THOC2: variants seen among roughly 807,000 people sequenced by gnomAD.
The protein encoded by THOC2 is THO complex subunit 2.
A neutral mutation model predicts 128.4 loss-of-function variants in THOC2; 10 were observed. The observed-to-expected ratio is 0.08, with a 90% CI of 0.05 to 0.13. The LOEUF (loss-of-function observed/expected upper bound fraction) is 0.13, where lower values mean the gene tolerates loss of function less well. Among genes scored for constraint, THOC2 ranks in the 10% least tolerant of loss-of-function variants. The pLI, the probability that THOC2 is intolerant of heterozygous loss-of-function variation, is 1.00. For missense variants in THOC2, 535 were observed against 1,155.7 expected, an observed-to-expected ratio of 0.46 and a Z score of 7.79; for synonymous variants, 393 against 396.9, an observed-to-expected ratio of 0.99 and a Z score of 0.12.
chrX:123,620,944 T>A lies in THOC2; in HGVS notation c.4238A>T (p.Asp1413Val). The A allele has an allele frequency of 1.7e-6, 2 of 1,210,514 alleles. No homozygotes were observed. Among genetic ancestry groups the A allele is most frequent in the Non-Finnish European group, 2.2e-6 (2 of 895,055 alleles). The part of the protein sequence containing the change: ...PEREQKRRKI[D>V]THPSPSHSST... ...GGAATGTGATGGAGAAGGGTGAGTA[T>A]CAATTTTGCGGCGTTTTTGTTCTGT... Residue 1413 changes from aspartate (D) to valine (V), a missense_variant, in exon 32 of 39, where the codon GAT (aspartate) becomes GTT (valine). Physicochemically the swap from Asp to Val is radical, Grantham distance 152. Transcript: ENST00000245838.
At chrX:123,646,880 TAACTGG>T (rs1331790347) in intron 12 of THOC2, among the ~76,000 whole-genome samples, 2 of 111,468 alleles carry the variant, frequency 1.8e-5, no homozygotes, top group Non-Finnish European at 3.8e-5. Flanking sequence ...AGGTATCCTG[TAACTGG>T]AAAAACTAGG....
At chrX:123,720,304 G>A (rs993137336) in intron 1 of THOC2, among the ~76,000 whole-genome samples, 4 of 109,230 alleles carry the variant, frequency 3.7e-5, no homozygotes, top group African/African-American at 6.7e-5. Flanking sequence ...AAAAATTAGC[G>A]GGTCATGGTG....
intron 15 of THOC2, among the ~76,000 whole-genome samples, chrX:123,644,226 A>G (rs1478498009): frequency 1.8e-5 from 2 of 112,515 alleles, no homozygotes; most frequent in African/African-American, 3.2e-5. Flanking sequence ...AAATTGCTAG[A>G]ACTTTTACTA....
intron 30 of THOC2, among the ~76,000 whole-genome samples, chrX:123,621,811 G>A (rs1489804060): frequency 8.9e-6 from 1 of 111,770 alleles, no homozygotes; most frequent in Non-Finnish European, 1.9e-5. Flanking sequence ...GGGAGGCTGA[G>A]GAGGGTGGAT....
intron 9 of THOC2, among the ~76,000 whole-genome samples, chrX:123,669,565 C>G (rs1466569231): frequency 9.0e-6 from 1 of 111,405 alleles, no homozygotes; most frequent in Non-Finnish European, 1.9e-5. Context: ...ATCTGCCCGC[C>G]TTGGCCTCCC....
intron 1 of THOC2, among the ~76,000 whole-genome samples, chrX:123,723,491 G>A (rs1449177773): frequency 1.8e-5 from 2 of 111,114 alleles, no homozygotes; most frequent in South Asian, 3.8e-4. Flanking sequence ...GTTTCTATTG[G>A]CACTGTTAGT....
At position 123,611,105 on chromosome X, in the gene THOC2, C is replaced by T. The variant is rs1414607973; in HGVS notation, c.4755-142G>A. On this transcript the variant is annotated intron_variant, in intron 37 of 38. Transcript: ENST00000245838. ...CTCAAACTCTACCAGCTCTGCTTGTCTGACTCATCATTTTGCCCTTCTATT... is the reference window on the plus strand; with the variant it reads ...CTCAAACTCTACCAGCTCTGCTTGTTTGACTCATCATTTTGCCCTTCTATT... 8.2e-5 allele frequency: 43 copies of T among 522,876 alleles called. No homozygotes were observed. The East Asian group carries it at 1.6e-3, about 19-fold the overall frequency. 43.1% of individuals were successfully genotyped at this position (522,876 alleles called of 1,213,427 possible).
chrX:123,634,110 T>C, intron 19 of THOC2, 40 bp from the exon 20 acceptor site: 1 of 792,911 alleles, frequency 1.3e-6, no homozygotes, highest in Non-Finnish European at 1.9e-6. Context: ...TAGTTAGAAC[T>C]TCAAATATAA....
chrX:123,694,953 C>T (rs2050392220), intron 7 of THOC2, among the ~76,000 whole-genome samples: 1 of 112,205 alleles, frequency 8.9e-6, no homozygotes, highest in African/African-American at 3.2e-5. Flanking sequence ...AGCGAGACCC[C>T]GTCTCTTAAA....
At chrX:123,616,122 A>C (rs1770266981) in intron 33 of THOC2, among the ~76,000 whole-genome samples, 1 of 111,223 alleles carries the variant, frequency 9.0e-6, no homozygotes, top group Non-Finnish European at 1.9e-5. Flanking sequence ...CTTAGCCTTC[A>C]AAGATGGCCA....
intron 2 of THOC2, among the ~76,000 whole-genome samples, chrX:123,709,732 A>C (rs2051105750): frequency 8.9e-6 from 1 of 111,755 alleles, no homozygotes; most frequent in South Asian, 3.7e-4. Flanking sequence ...TGTACTGTTT[A>C]TTTTCAAATA....
At chrX:123,627,589 C>T (rs1413212524) in intron 23 of THOC2, 104 bp downstream of exon 23, 11 of 838,411 alleles carry the variant, frequency 1.3e-5, no homozygotes, top group Non-Finnish European at 1.8e-5. Flanking sequence ...TATATAGCAA[C>T]AAGATCACTG....
intron 4 of THOC2, among the ~76,000 whole-genome samples, chrX:123,698,441 G>A (rs1484422112): frequency 3.5e-4 from 34 of 97,378 alleles, no homozygotes; most frequent in African/African-American, 1.3e-3. Flanking sequence ...CTGGGCAACA[G>A]AGCGAGACTC....
intron 1 of THOC2, among the ~76,000 whole-genome samples, chrX:123,728,065 T>C (rs1194714859): frequency 1.8e-5 from 2 of 112,025 alleles, no homozygotes; most frequent in African/African-American, 6.5e-5. Context: ...TGATGTTCAT[T>C]TACGCTTCAC....
chrX:123,623,342 G>C (rs762656481), intron 28 of THOC2, 59 bp from the exon 29 acceptor site: 44 of 1,034,289 alleles, frequency 4.3e-5, no homozygotes, highest in Non-Finnish European at 5.6e-5. Flanking sequence ...ATAAACATGA[G>C]GTTTTTAAGA....
intron 33 of THOC2, among the ~76,000 whole-genome samples, chrX:123,618,798 A>G (rs1185693771): frequency 8.9e-6 from 1 of 111,998 alleles, no homozygotes; most frequent in Non-Finnish European, 1.9e-5. Flanking sequence ...GTAGAATAAT[A>G]GGTAAGAATT....
intron 12 of THOC2, among the ~76,000 whole-genome samples, chrX:123,659,269 C>A (rs1386943262): frequency 8.9e-6 from 1 of 112,312 alleles, no homozygotes; most frequent in Non-Finnish European, 1.9e-5. Flanking sequence ...TGGGGCCCAA[C>A]AATTTATTTT....
At chrX:123,692,088 G>A (rs2050244503) in intron 7 of THOC2, among the ~76,000 whole-genome samples, 2 of 111,791 alleles carry the variant, frequency 1.8e-5, no homozygotes, top group South Asian at 7.4e-4. Context: ...GGAAAGGAAA[G>A]AACACTTAGC....
intron 9 of THOC2, among the ~76,000 whole-genome samples, chrX:123,668,946 T>C (rs1265777230): frequency 1.8e-5 from 2 of 111,524 alleles, no homozygotes; most frequent in African/African-American, 6.5e-5. Context: ...GAGTGGAAGA[T>C]GATTAATGAA....
Sources: gnomAD v4.1 joint callset for allele counts (sites outside exome capture counted in the v4.1 genomes callset) on GRCh38, gnomAD v4.1.1 for gene constraint, MANE v1.5 for transcripts, NCBI Gene and HGNC (gene_info 2026-07-23, HGNC 2026-07-21) for gene names.